ELOF1: variants seen among roughly 807,000 people sequenced by gnomAD.
ELOF1 encodes transcription elongation factor 1 homolog.
ELOF1 carries 4 observed loss-of-function variants against 7.1 expected under a neutral mutation model. The ratio of observed to expected loss-of-function variants is 0.56; its 90% CI spans 0.28 to 1.29. The LOEUF (loss-of-function observed/expected upper bound fraction) is 1.29. ELOF1 is among the 50% of genes most tolerant of loss of function. ELOF1 has a pLI of 0.10. For missense variants in ELOF1, 59 were observed against 86.3 expected (o/e 0.68, Z 1.25); for synonymous variants, 31 against 31.9 (o/e 0.97, Z 0.09).
chr19:11,553,537 C>A (rs1972764337), intron 3 of ELOF1: 1 of 642,758 alleles, frequency 1.6e-6, no homozygotes, highest in Non-Finnish European at 2.7e-6. Flanking sequence ...CGTGCAGCCA[C>A]ACACACCCAC....
At chr19:11,558,976 G>A (rs2145062986) in intron 1 of ELOF1, 2 of 152,066 alleles carry the variant, frequency 1.3e-5, no homozygotes, top group African/African-American at 4.8e-5. Context: ...CTAAAGCTTC[G>A]GCATCGCCTC....
intron 1 of ELOF1, among the ~76,000 whole-genome samples, chr19:11,557,456 C>T (rs1256081062): frequency 2.0e-5 from 3 of 151,402 alleles, no homozygotes; most frequent in East Asian, 3.9e-4. Context: ...ATTAGCTGGG[C>T]GTGGTGGCAC....
At chr19:11,558,587 A>C (rs1972867788) in intron 1 of ELOF1, among the ~76,000 whole-genome samples, 1 of 151,858 alleles carries the variant, frequency 6.6e-6, no homozygotes, top group Non-Finnish European at 1.5e-5. Context: ...CTACAAAATT[A>C]CAAAAATTAG....
chr19:11,555,040 C>T (rs1972809079), intron 1 of ELOF1: 5 of 157,798 alleles, frequency 3.2e-5, no homozygotes, highest in South Asian at 2.9e-4. Context: ...GGGCGGATCA[C>T]GAGGTCAGGA....
At chr19:11,554,493 G>A in intron 1 of ELOF1, 128 bp from the exon 2 acceptor site, 2 of 1,350,710 alleles carry the variant, frequency 1.5e-6, no homozygotes, top group Non-Finnish European at 2.0e-6. Flanking sequence ...GCCCTTGAGG[G>A]ACGAGGCCCT....
rs1972786534 is a variant in ELOF1 at position 11,554,076 on chromosome 19, C to T, written c.122G>A (p.Arg41His). 1.9e-6 allele frequency: 3 copies of T among 1,614,204 alleles called. No homozygotes were observed. The highest frequency in any genetic ancestry group is 2.5e-6 in the Non-Finnish European group (3 of 1,180,038). ...AGAGATGACTCCGGTGTTGCGGGCACGGTCCCTGAAACAGACCAAGAGAAG... is the reference window on the plus strand; with the variant it reads ...AGAGATGACTCCGGTGTTGCGGGCATGGTCCCTGAAACAGACCAAGAGAAG... The change falls in exon 3 of 4, where the codon CGT becomes CAT. Residue 41 changes from arginine to histidine, a missense_variant. Arg to His is a conservative substitution (Grantham distance 29, BLOSUM62 0). Coordinates refer to ENST00000586683, the Ensembl canonical transcript of ELOF1.
intron 1 of ELOF1, chr19:11,555,768 G>A (rs930506798): frequency 4.6e-5 from 7 of 152,658 alleles, no homozygotes; most frequent in Admixed American, 1.3e-4. Context: ...GAGGAACTGC[G>A]GTGTGAGCCA....
intron 3 of ELOF1, chr19:11,553,712 G>A (rs771035160): frequency 9.0e-5 from 145 of 1,613,672 alleles, no homozygotes; most frequent in Non-Finnish European, 1.2e-4. Context: ...TCCACAGTAC[G>A]CGGGGCTGCT....
At chr19:11,553,371 G>A (rs532093181) in intron 3 of ELOF1, 81 of 446,522 alleles carry the variant, frequency 1.8e-4, no homozygotes, top group African/African-American at 1.3e-3. Flanking sequence ...CAATTCCGCC[G>A]GGGGGAGCCA....
At chr19:11,554,602 C>T in intron 1 of ELOF1, 1 of 552,392 alleles carries the variant, frequency 1.8e-6, no homozygotes, top group South Asian at 3.2e-5. Flanking sequence ...GTGACCTGGG[C>T]AGGTTATTTA....
intron 2 of ELOF1, 38 bp from the exon 3 acceptor site, chr19:11,554,119 G>A (rs369144969): frequency 1.9e-5 from 30 of 1,614,036 alleles, no homozygotes; most frequent in Admixed American, 3.3e-5. Flanking sequence ...TGAGCAATGC[G>A]TCCTGGGCCT....
intron 1 of ELOF1, among the ~76,000 whole-genome samples, chr19:11,557,007 A>G (rs932731294): frequency 6.6e-6 from 1 of 151,188 alleles, no homozygotes; most frequent in Non-Finnish European, 1.5e-5. Flanking sequence ...AAAAAGGGGG[A>G]AAAAAAAACT....
At chr19:11,556,640 G>A (rs988272923) in intron 1 of ELOF1, among the ~76,000 whole-genome samples, 67 of 152,148 alleles carry the variant, frequency 4.4e-4, no homozygotes, top group African/African-American at 1.5e-3. Flanking sequence ...AGTTCACTGA[G>A]TAAATAGAAG....
chr19:11,556,178 C>T (rs867145741), intron 1 of ELOF1, among the ~76,000 whole-genome samples: 29 of 152,168 alleles, frequency 1.9e-4, no homozygotes, highest in Middle Eastern at 3.2e-3. Flanking sequence ...CACACACACA[C>T]GACTGCTGGT....
At position 11,553,892 on chromosome 19, in the gene ELOF1, C is replaced by T. The variant is rs780216262; in HGVS notation, c.187+119G>A. On this transcript the variant is annotated intron_variant, in intron 3 of 3. Coordinates refer to ENST00000586683, the Ensembl canonical transcript of ELOF1. ...TCACCCCACAGAAATCACTAGGTGG[C>T]ACCTGTTCCTCTGGACGGCTTTGGC... is the stretch of plus-strand genomic sequence containing the variant. The T allele has an allele frequency of 2.7e-5, 43 of 1,610,152 alleles. No homozygotes were observed. The African/African-American group carries it at 5.7e-4, about 22-fold the overall frequency.
intron 3 of ELOF1, 22 bp downstream of exon 3, chr19:11,553,989 A>G: frequency 6.2e-7 from 1 of 1,614,140 alleles, no homozygotes; most frequent in Non-Finnish European, 8.5e-7. Flanking sequence ...CCTCTGGAAA[A>G]AGCCCAGGTT....
At chr19:11,556,746 G>A (rs1972840481) in intron 1 of ELOF1, among the ~76,000 whole-genome samples, 1 of 152,224 alleles carries the variant, frequency 6.6e-6, no homozygotes, top group African/African-American at 2.4e-5. Context: ...TGCCCAGGCT[G>A]GAGTGCAGTG....
At chr19:11,554,603 A>G (rs1972800680) in intron 1 of ELOF1, 1 of 542,476 alleles carries the variant, frequency 1.8e-6, no homozygotes, top group Non-Finnish European at 3.2e-6. Flanking sequence ...TGACCTGGGC[A>G]GGTTATTTAA....
intron 1 of ELOF1, among the ~76,000 whole-genome samples, chr19:11,557,778 A>G (rs1438290015): frequency 6.6e-6 from 1 of 151,894 alleles, no homozygotes; most frequent in East Asian, 1.9e-4. Context: ...CTGTAATCCC[A>G]GCTACTCGGG....
Sources: allele counts gnomAD v4.1 joint callset (sites outside exome capture counted in the v4.1 genomes callset), GRCh38; gene constraint gnomAD v4.1.1; transcripts MANE v1.5; gene names NCBI Gene and HGNC (gene_info 2026-07-23, HGNC 2026-07-21).